Variants in ZNF274 observed in about 807,000 individuals in gnomAD.
The protein encoded by ZNF274 is zinc finger protein 274.
ZNF274 carries 23 observed loss-of-function variants against 42.5 expected under a neutral mutation model. The observed-to-expected ratio is 0.54, with a 90% CI of 0.39 to 0.77. The LOEUF is 0.77. Among genes scored for constraint, ZNF274 ranks in the 30% least tolerant of loss-of-function variants. The pLI is 0.00. For synonymous variants in ZNF274, 292 were observed against 305.4 expected (o/e 0.96, Z 0.46); for missense variants, 679 against 806.5 (o/e 0.84, Z 1.91).
rs762804457 is a variant in ZNF274 at position 58,212,702 on chromosome 19, C to T, written c.1521C>T (p.Cys507=). The part of the protein sequence containing the change: ...FIRIHKGSQV[C]RCSECGKIFR... ...GAATTCACAAGGGGAGCCAAGTTTGCCGATGCAGTGAATGTGGTAAAATAT... is the reference window on the plus strand; with the variant it reads ...GAATTCACAAGGGGAGCCAAGTTTGTCGATGCAGTGAATGTGGTAAAATAT... The change falls in exon 8 of 8, where the codon TGC becomes TGT. Residue 507 remains cysteine (C), a synonymous_variant. Coordinates refer to ENST00000617501, the MANE Select transcript of ZNF274 (RefSeq NM_133502.3). This position sits in a 1 kb window ranked among gnomAD's most constrained non-coding sequence, Gnocchi z 4.6. 1.2e-6 allele frequency: 2 copies of T among 1,613,974 alleles called. No individual in the cohort carries two copies. Among genetic ancestry groups the T allele is most frequent in the South Asian group, 2.2e-5 (2 of 91,082 alleles).
chr19:58,189,890 T>C (rs1207489505), intron 4 of ZNF274, among the ~76,000 whole-genome samples: 2 of 151,972 alleles, frequency 1.3e-5, no homozygotes, highest in Non-Finnish European at 2.9e-5. Flanking sequence ...TTTGGGAGGC[T>C]GAGGTGGGCA....
rs763723987 is a variant in ZNF274 at position 58,212,703 on chromosome 19, C to T, written c.1522C>T (p.Arg508Ter). 3.7e-6 allele frequency: 6 copies of T among 1,613,826 alleles called. No individual in the cohort carries two copies. Among genetic ancestry groups the T allele is most frequent in the Non-Finnish European group, 5.1e-6 (6 of 1,179,896 alleles). Residue 508 changes from arginine to a stop codon, truncating the protein, a stop_gained, in exon 8 of 8, where the codon CGA (arginine) becomes TGA (stop). Transcript: ENST00000617501. LOFTEE classifies it high-confidence loss of function. This position sits in a 1 kb window ranked among gnomAD's most constrained non-coding sequence, Gnocchi z 4.6. ...AATTCACAAGGGGAGCCAAGTTTGC[C>T]GATGCAGTGAATGTGGTAAAATATT... is the stretch of plus-strand genomic sequence containing the variant. ...IRIHKGSQVC[R>*]CSECGKIFRN...
chr19:58,194,978 G>A (rs373071849), intron 4 of ZNF274, among the ~76,000 whole-genome samples: 1 of 151,518 alleles, frequency 6.6e-6, no homozygotes, highest in East Asian at 1.9e-4. Flanking sequence ...TCCAGCCTGG[G>A]CGACAGAGTG....
chr19:58,195,708 C>T (rs1042982499), intron 4 of ZNF274, among the ~76,000 whole-genome samples: 17 of 152,242 alleles, frequency 1.1e-4, no homozygotes, highest in Middle Eastern at 3.4e-3. Flanking sequence ...ACAGTTTTTC[C>T]GTGGACCTTG....
chr19:58,209,193 G>C (rs983800267), intron 5 of ZNF274: 1 of 152,352 alleles, frequency 6.6e-6, no homozygotes, highest in African/African-American at 2.4e-5. Context: ...CCCTGCATGG[G>C]ATTTCTCTTT....
In ZNF274 at chr19:58,211,657, T is replaced by C. The variant is rs2076041997; in HGVS notation, c.950T>C (p.Leu317Pro). The change falls in exon 7 of 8, where the codon CTG becomes CCG. Residue 317 changes from leucine (L) to proline (P), a missense_variant. Around this residue, in one of 2 missense-constraint regions of ZNF274, gnomAD observed 456 missense variants for 590.1 expected, o/e 0.77. Transcript: ENST00000617501. The surrounding 1 kb of genome is among the most constrained non-coding windows in gnomAD (Gnocchi z 4.8). Reference protein sequence around the residue: ...TQRTEYRDVMLETFGHLVSVG... With the variant: ...TQRTEYRDVMPETFGHLVSVG... ...AGGACCGAGTACCGCGATGTGATGC[T>C]GGAGACCTTTGGGCACCTGGTCTCT... The C allele has an allele frequency of 6.2e-7, 1 of 1,613,414 alleles. No individual in the cohort carries two copies. Among genetic ancestry groups the C allele is most frequent in the African/African-American group, 1.3e-5 (1 of 74,874 alleles).
At chr19:58,186,006 A>G (rs2075693657) in intron 3 of ZNF274, 168 bp downstream of exon 3, 1 of 453,622 alleles carries the variant, frequency 2.2e-6, no homozygotes, top group Non-Finnish European at 3.7e-6. Context: ...CCTGAATACC[A>G]GGGAGATGGG....
intron 4 of ZNF274, among the ~76,000 whole-genome samples, chr19:58,188,754 G>T (rs1469141935): frequency 7.4e-6 from 1 of 135,780 alleles, no homozygotes; most frequent in Non-Finnish European, 1.5e-5. Context: ...GGCACCAGGG[G>T]CTCATGCCTA....
At chr19:58,201,867 C>T (rs2075916104) in intron 4 of ZNF274, among the ~76,000 whole-genome samples, 1 of 152,058 alleles carries the variant, frequency 6.6e-6, no homozygotes, top group Non-Finnish European at 1.5e-5. Flanking sequence ...GGGCAGCCTT[C>T]GTGAAATGAT....
At chr19:58,188,612 AAAAAAAAAATATAT>A (rs59722278) in intron 4 of ZNF274, among the ~76,000 whole-genome samples, 1,203 of 72,624 alleles carry the variant, frequency 0.017, 35 homozygotes, top group African/African-American at 0.059. Flanking sequence ...TCTCAAAAAA[AAAAAAAAAATATAT>A]ATATATATAT....
intron 2 of ZNF274, among the ~76,000 whole-genome samples, chr19:58,185,096 G>C (rs1016764434): frequency 8.5e-5 from 12 of 141,644 alleles, no homozygotes; most frequent in African/African-American, 2.4e-4. Context: ...CTCCAGCCTG[G>C]GCGACAGAGA....
rs1313099955 is a variant in ZNF274 at position 58,213,146 on chromosome 19, C to G, written c.*3C>G. On this transcript the variant is annotated 3_prime_UTR_variant, in exon 8 of 8. Transcript: ENST00000617501. ...AGAAGAAACAGCCTACCTCATAGCTCTCAAGCCAGTTGAAGAAACCTTGCC... is the reference window on the plus strand; with the variant it reads ...AGAAGAAACAGCCTACCTCATAGCTGTCAAGCCAGTTGAAGAAACCTTGCC... 3 of 1,597,726 alleles carry G rather than the reference C, an allele frequency of 1.9e-6. No homozygotes were observed. Among genetic ancestry groups the G allele is most frequent in the Non-Finnish European group, 8.5e-7 (1 of 1,171,160 alleles).
intron 4 of ZNF274, among the ~76,000 whole-genome samples, chr19:58,205,708 C>T (rs376159780): frequency 6.6e-6 from 1 of 152,156 alleles, no homozygotes; most frequent in East Asian, 1.9e-4. Context: ...GTGCTGCCTC[C>T]TCAGCATTTC....
rs932181424 is a variant in ZNF274, at chr19:58,208,442, G to A, written c.739+1240G>A. Reference sequence around the variant, plus strand: ...AATAAGTTGCCTCACATGACAAAGGGGACTTTGCAGAAACAATTAAGGATC... The same window carrying A: ...AATAAGTTGCCTCACATGACAAAGGAGACTTTGCAGAAACAATTAAGGATC... On this transcript the variant is annotated intron_variant, in intron 5 of 7. Transcript: ENST00000617501. This position sits in a 1 kb window ranked among gnomAD's most constrained non-coding sequence, Gnocchi z 4.5. The A allele has an allele frequency of 1.3e-5, 2 of 152,234 alleles. No individual in the cohort carries two copies. Among genetic ancestry groups the A allele is most frequent in the Non-Finnish European group, 2.9e-5 (2 of 68,080 alleles). The allele number at this position is 152,234 out of a possible 1,614,324, so 9.4% of individuals were successfully genotyped here.
At chr19:58,198,077 A>G (rs887839159) in intron 4 of ZNF274, among the ~76,000 whole-genome samples, 2 of 152,220 alleles carry the variant, frequency 1.3e-5, no homozygotes, top group Non-Finnish European at 2.9e-5. Context: ...AAAGAAAAAT[A>G]CCATCAACAG....
Position 58,212,349 on chromosome 19 carries a change from C to G in ZNF274, c.1168C>G (p.Gln390Glu), listed in dbSNP as rs369007408. ...AGTGTTGAAGCAGATGGAGTCTGCT[C>G]AGGAAAAAGACCTTCCTCAGAAGAA... ...DTVLKQMESAQEKDLPQKKHF... is the reference protein window; with the variant it reads ...DTVLKQMESAEEKDLPQKKHF... Residue 390 changes from glutamine to glutamate, a missense_variant, in exon 8 of 8, where the codon CAG (glutamine) becomes GAG (glutamate). By Grantham distance (29) the Gln-to-Glu change is conservative. This residue lies in a region of ZNF274 where 456 missense variants were observed against 590.1 expected (regional missense o/e 0.77). Transcript: ENST00000617501. The surrounding 1 kb of genome is among the most constrained non-coding windows in gnomAD (Gnocchi z 4.6). 6.2e-7 allele frequency: 1 copy of G among 1,613,806 alleles called. No individual in the cohort carries two copies. The highest frequency in any genetic ancestry group is 8.5e-7 in the Non-Finnish European group (1 of 1,179,882).
chr19:58,188,605 C>CAAAA (rs1163562490), intron 4 of ZNF274, among the ~76,000 whole-genome samples: 3 of 48,832 alleles, frequency 6.1e-5, no homozygotes, highest in African/African-American at 1.7e-4. Context: ...GACTCCATCT[C>CAAAA]AAAAAAAAAA....
At position 58,208,321 on chromosome 19, in the gene ZNF274, T is replaced by C. The variant is rs568061914; in HGVS notation, c.739+1119T>C. On this transcript the variant is annotated intron_variant, in intron 5 of 7. Transcript: ENST00000617501. The surrounding 1 kb of genome is among the most constrained non-coding windows in gnomAD (Gnocchi z 4.5). ...GTATCCGAGGCAGCAGGGCAGGCAC[T>C]TGCATGAGTTGTGTCAGATGCACCA... 6 of 152,434 alleles carry C rather than the reference T, an allele frequency of 3.9e-5. No homozygotes were observed. The East Asian group carries it at 1.2e-3, about 29-fold the overall frequency. The allele number at this position is 152,434 out of a possible 1,614,324, so 9.4% of individuals were successfully genotyped here.
rs77980362 is a variant in ZNF274, at chr19:58,196,911, C to G, written c.257-9809C>G. 6.2e-3 allele frequency among the ~76,000 whole-genome samples: 951 copies of G among 152,254 alleles called. 9 individuals are homozygous for G. Among genetic ancestry groups the G allele is most frequent in the African/African-American group, 0.022 (922 of 41,506 alleles). On this transcript the variant is annotated intron_variant, in intron 4 of 7. Transcript: ENST00000617501. ...TAAGTCCTTTTCATGAACTTTTCAC[C>G]ATCTGAGAACTCACACAGGGAAGAA... is the stretch of plus-strand genomic sequence containing the variant.
Sources: gnomAD v4.1 joint callset for allele counts (sites outside exome capture counted in the v4.1 genomes callset) on GRCh38, gnomAD v4.1.1 for gene constraint, gnomAD v4.1.1 regional missense constraint, Gnocchi (gnomAD v3.1) non-coding constraint, MANE v1.5 for transcripts, NCBI Gene and HGNC (gene_info 2026-07-23, HGNC 2026-07-21) for gene names.